DNAH14: variants seen among roughly 807,000 people sequenced by gnomAD.
The protein encoded by DNAH14 is axonemal beta dynein heavy chain 14.
In DNAH14, 478 loss-of-function variants were observed where a neutral mutation model predicts 520.9. The ratio of observed to expected loss-of-function variants is 0.92; its 90% CI spans 0.85 to 0.99. The LOEUF is 0.99. DNAH14 is among the 50% of genes least tolerant of loss of function. The probability of loss-of-function intolerance (pLI) is 0.00; values close to 1 mark genes in which losing one functional copy is unlikely to be tolerated. For missense variants in DNAH14, 4,831 were observed against 5,234.5 expected (o/e 0.92, Z 2.38); for synonymous variants, 1,581 against 1,757.2 (o/e 0.90, Z 2.51).
chr1:225,170,360 G>A (rs1443212820), intron 36 of DNAH14, among the ~76,000 whole-genome samples: 1 of 152,144 alleles, frequency 6.6e-6, no homozygotes, highest in East Asian at 1.9e-4. Flanking sequence ...TCAGTGTGCT[G>A]TATTCAGGAG....
chr1:225,259,499 T>C (rs1370896294), intron 46 of DNAH14, among the ~76,000 whole-genome samples: 1 of 152,182 alleles, frequency 6.6e-6, no homozygotes, highest in African/African-American at 2.4e-5. Context: ...TTGATGTATA[T>C]ACATATTGAG....
chr1:224,943,979 G>A (rs978130176), intron 1 of DNAH14, among the ~76,000 whole-genome samples: 1 of 152,132 alleles, frequency 6.6e-6, no homozygotes, highest in African/African-American at 2.4e-5. Context: ...CTGTTGATTT[G>A]GGGTGGAGAG....
chr1:225,351,346 G>A (rs1050149778), intron 71 of DNAH14, among the ~76,000 whole-genome samples: 7 of 152,082 alleles, frequency 4.6e-5, no homozygotes, highest in Non-Finnish European at 7.3e-5. Context: ...AGCAGTGATC[G>A]TGCCACTGCA....
chr1:225,043,611 T>C (rs889922551), intron 13 of DNAH14, 133 bp from the exon 14 acceptor site: 15 of 664,252 alleles, frequency 2.3e-5, no homozygotes, highest in African/African-American at 3.7e-5. Context: ...TGCTTCAGTA[T>C]TGTGTTTCAA....
In DNAH14 at chr1:225,097,210, AC is replaced by A; in HGVS notation, c.3668del (p.Pro1223GlnfsTer22). ...NCQRNWLYLE[P>X]VFHSSEIRRQ... is the part of the protein sequence containing the mutation. ...GTCAAAGAAATTGGCTTTATCTTGA[AC>A]CAGTCTTTCATTCTTCAGAAATACG... On this transcript the variant is annotated frameshift_variant, in exon 22 of 86. Transcript: ENST00000682510. LOFTEE classifies it high-confidence loss of function. The A allele has an allele frequency of 1.3e-6, 2 of 1,550,666 alleles. No homozygotes were observed. Among genetic ancestry groups the A allele is most frequent in the Non-Finnish European group, 1.7e-6 (2 of 1,146,470 alleles).
intron 23 of DNAH14, among the ~76,000 whole-genome samples, chr1:225,117,398 C>G (rs968155073): frequency 6.6e-6 from 1 of 150,876 alleles, no homozygotes; most frequent in African/African-American, 2.4e-5. Context: ...TGCTCCCAGG[C>G]AATAATGACA....
At position 225,206,483 on chromosome 1, in the gene DNAH14, T is replaced by C. The variant is rs570368318; in HGVS notation, c.6186+304T>C. Reference sequence around the variant, plus strand: ...TTATTTTTTCAATAGAGGAAGATGGTCCTGAGGCCTTTTCATACTCACTCT... The same window carrying C: ...TTATTTTTTCAATAGAGGAAGATGGCCCTGAGGCCTTTTCATACTCACTCT... On this transcript the variant is annotated intron_variant, in intron 40 of 85. Coordinates refer to ENST00000682510, the MANE Select transcript of DNAH14 (RefSeq NM_001367479.1). 2.2e-3 allele frequency among the ~76,000 whole-genome samples: 340 copies of C among 152,288 alleles called. 2 individuals are homozygous for C. Among genetic ancestry groups the C allele is most frequent in the African/African-American group, 7.9e-3 (328 of 41,564 alleles).
chr1:225,078,272 T>C (rs761939603), intron 17 of DNAH14, among the ~76,000 whole-genome samples: 6 of 152,174 alleles, frequency 3.9e-5, no homozygotes, highest in African/African-American at 1.4e-4. Context: ...AGTTTCCTCC[T>C]GTGCAATTAG....
At chr1:225,359,305 G>C (rs1249330812) in intron 74 of DNAH14, among the ~76,000 whole-genome samples, 1 of 152,148 alleles carries the variant, frequency 6.6e-6, no homozygotes, top group Non-Finnish European at 1.5e-5. Context: ...ACATACTGTT[G>C]CTCTGGAAGT....
chr1:225,300,624 C>A (rs2094120166), intron 55 of DNAH14, among the ~76,000 whole-genome samples: 1 of 151,806 alleles, frequency 6.6e-6, no homozygotes, highest in African/African-American at 2.4e-5. Context: ...TGGCTTAAGC[C>A]CAGTAGTTCA....
intron 60 of DNAH14, among the ~76,000 whole-genome samples, chr1:225,311,041 T>C (rs1186833699): frequency 6.6e-6 from 1 of 152,208 alleles, no homozygotes; most frequent in Non-Finnish European, 1.5e-5. Flanking sequence ...CCACAATGGT[T>C]GAACTAATTT....
At chr1:225,301,779 C>A (rs2094143997) in intron 56 of DNAH14, among the ~76,000 whole-genome samples, 1 of 152,062 alleles carries the variant, frequency 6.6e-6, no homozygotes, top group African/African-American at 2.4e-5. Flanking sequence ...AAGTATCAAA[C>A]AGATACTTAG....
chr1:225,320,759 A>G (rs16844673), intron 61 of DNAH14, among the ~76,000 whole-genome samples: 13,950 of 152,228 alleles, frequency 0.092, 1,071 homozygotes, highest in African/African-American at 0.21. Context: ...ATGAGGAAAG[A>G]TCCAAGACAG....
chr1:225,266,710 T>C lies in DNAH14; in HGVS notation c.7480T>C (p.Leu2494=), dbSNP rs917018838. The change falls in exon 49 of 86, where the codon TTG becomes CTG. Residue 2494 remains leucine (L), a synonymous_variant. Coordinates refer to ENST00000682510, the MANE Select transcript of DNAH14 (RefSeq NM_001367479.1). ...GTATGGAGCACAGCCACCCCTGGAA[T>C]TGATAAGACAATTGTTAGATTTGGG... ...DMYGAQPPLE[L]IRQLLDLGGV... 1.1e-5 allele frequency: 17 copies of C among 1,528,062 alleles called. No homozygotes were observed. Among genetic ancestry groups the C allele is most frequent in the Admixed American group, 2.3e-5 (1 of 42,972 alleles). 94.7% of individuals were successfully genotyped at this position (1,528,062 alleles called of 1,614,324 possible).
rs148305205 is a variant in DNAH14 at position 225,018,051 on chromosome 1, G to A, written c.1108-5564G>A. Among the ~76,000 whole-genome samples the A allele has an allele frequency of 1.6e-3, 236 of 152,256 alleles. 2 individuals carry two copies. The highest frequency in any genetic ancestry group is 0.012 in the Admixed American group (179 of 15,282). ...ATAATCACACTAGCTCTCCAGGAAA[G>A]GTTCTTAACCACGTTGAAATTGCTG... On this transcript the variant is annotated intron_variant, in intron 10 of 85. Coordinates refer to ENST00000682510, the MANE Select transcript of DNAH14 (RefSeq NM_001367479.1).
intron 22 of DNAH14, among the ~76,000 whole-genome samples, chr1:225,100,113 G>A (rs12059834): frequency 0.13 from 20,206 of 152,100 alleles, 4,149 homozygotes; most frequent in African/African-American, 0.45. Context: ...TGTGGGTTTT[G>A]CTTCCCTTTT....
chr1:224,934,086 G>C (rs1182406982), intron 1 of DNAH14, among the ~76,000 whole-genome samples: 1 of 151,930 alleles, frequency 6.6e-6, no homozygotes, highest in Non-Finnish European at 1.5e-5. Context: ...TGTTACACCA[G>C]ATGCACAGAT....
At chr1:225,374,270 ATT>A (rs1230876677) in intron 77 of DNAH14, among the ~76,000 whole-genome samples, 1,625 of 63,354 alleles carry the variant, frequency 0.026, 58 homozygotes, top group African/African-American at 0.087. Flanking sequence ...ATATATATAT[ATT>A]TTTTTTTGAG....
At chr1:224,999,765 T>TTA (rs1393208896) in intron 8 of DNAH14, among the ~76,000 whole-genome samples, 4 of 152,036 alleles carry the variant, frequency 2.6e-5, no homozygotes, top group South Asian at 2.1e-4. Context: ...TAGTATAAGA[T>TTA]TATATATATA....
Sources: gnomAD v4.1 joint callset for allele counts (sites outside exome capture counted in the v4.1 genomes callset) on GRCh38, gnomAD v4.1.1 for gene constraint, MANE v1.5 for transcripts, NCBI Gene and HGNC (gene_info 2026-07-23, HGNC 2026-07-21) for gene names.